Variants in C10orf90 observed in about 807,000 individuals in gnomAD.
C10orf90 encodes the protein (E2-independent) E3 ubiquitin-conjugating enzyme FATS.
A neutral mutation model predicts 62.5 loss-of-function variants in C10orf90; 56 were observed. The observed-to-expected ratio is 0.90, with a 90% CI of 0.72 to 1.12. The LOEUF (loss-of-function observed/expected upper bound fraction) is 1.12, where lower values mean the gene tolerates loss of function less well. C10orf90 is among the 50% of genes most tolerant of loss of function. The pLI is 0.00. For missense variants in C10orf90, 970 were observed against 880.4 expected (o/e 1.10, Z -1.29); for synonymous variants, 386 against 340.4 (o/e 1.13, Z -1.47).
chr10:126,503,354 T>TTGC (rs1276749877), intron 4 of C10orf90, among the ~76,000 whole-genome samples: 1 of 152,132 alleles, frequency 6.6e-6, no homozygotes, highest in South Asian at 2.1e-4. Context: ...GGACAGAAAA[T>TTGC]TGCTGCTGCT....
intron 2 of C10orf90, among the ~76,000 whole-genome samples, chr10:126,629,839 A>C (rs747622913): frequency 7.5e-5 from 11 of 147,396 alleles, no homozygotes; most frequent in Non-Finnish European, 1.7e-4. Flanking sequence ...CAGGCCAGGC[A>C]GAGCAGGATT....
chr10:126,543,115 G>A (rs779963322), intron 2 of C10orf90, among the ~76,000 whole-genome samples: 1 of 152,098 alleles, frequency 6.6e-6, no homozygotes, highest in Non-Finnish European at 1.5e-5. Context: ...TGTGAACTCC[G>A]TACAGCAATA....
chr10:126,627,849 T>C (rs1845776470), intron 2 of C10orf90, among the ~76,000 whole-genome samples: 1 of 152,156 alleles, frequency 6.6e-6, no homozygotes, highest in Non-Finnish European at 1.5e-5. Context: ...CGACCTCATG[T>C]GTAGCTGGGA....
At chr10:126,428,685 G>A (rs769939191) in intron 8 of C10orf90, among the ~76,000 whole-genome samples, 3 of 152,242 alleles carry the variant, frequency 2.0e-5, no homozygotes, top group South Asian at 4.2e-4. Context: ...GCAAGGCTCC[G>A]TAATGGTGGC....
At chr10:126,645,221 C>T (rs1254237753) in intron 2 of C10orf90, among the ~76,000 whole-genome samples, 1 of 148,322 alleles carries the variant, frequency 6.7e-6, no homozygotes, top group Non-Finnish European at 1.5e-5. Flanking sequence ...TGTAACTAAC[C>T]TGCACATTGT....
Position 126,461,492 on chromosome 10 carries a change from G to A in C10orf90, c.1919C>T (p.Ser640Leu), listed in dbSNP as rs367773851. The change falls in exon 6 of 10, where the codon TCG becomes TTG. Residue 640 changes from serine (S) to leucine (L), a missense_variant. Transcript: ENST00000488181. ...TTPEPSPAAP[S>L]PAPRDGAGSP... ...CCCTGCTCCATCGCGGGGTGCTGGC[G>A]AGGGTGCTGCTGGGGAGGGCTCAGG... is the stretch of plus-strand genomic sequence containing the variant. The A allele has an allele frequency of 2.9e-5, 47 of 1,613,948 alleles. No individual in the cohort carries two copies. The African/African-American group carries it at 3.1e-4, about 11-fold the overall frequency.
chr10:126,481,618 C>A (rs1174515342), intron 4 of C10orf90, among the ~76,000 whole-genome samples: 1 of 152,330 alleles, frequency 6.6e-6, no homozygotes, highest in Non-Finnish European at 1.5e-5. Flanking sequence ...GGAAGCCTGG[C>A]TCCCACTAGC....
rs557034323 is a variant in C10orf90 at position 126,456,433 on chromosome 10, C to T, written c.2188+2607G>A. ...CTTGGAATGTGGGGAGTAAAAGGTA[C>T]TCAGTTAACATTCTGAACTGAGCCT... On this transcript the variant is annotated intron_variant, in intron 7 of 9. Coordinates refer to ENST00000488181, the MANE Select transcript of C10orf90 (RefSeq NM_001350921.2). This position sits in a 1 kb window ranked among gnomAD's most constrained non-coding sequence, Gnocchi z 4.9. Among the ~76,000 whole-genome samples the T allele has an allele frequency of 2.0e-5, 3 of 152,302 alleles. No homozygotes were observed. Among genetic ancestry groups the T allele is most frequent in the East Asian group, 3.9e-4 (2 of 5,178 alleles).
intron 2 of C10orf90, among the ~76,000 whole-genome samples, chr10:126,585,469 G>GA (rs1844850249): frequency 6.7e-6 from 1 of 149,642 alleles, no homozygotes; most frequent in Non-Finnish European, 1.5e-5. Context: ...GGAAGGAAAG[G>GA]AAGAGAGGGG....
chr10:126,542,221 G>C lies in C10orf90; in HGVS notation c.314-28282C>G, dbSNP rs1379910442. Reference sequence around the variant, plus strand: ...TAGTGAGTATGAGGTTTGGGAACTAGGCCAGGTGCAGTGGCTCACATCTGT... The same window carrying C: ...TAGTGAGTATGAGGTTTGGGAACTACGCCAGGTGCAGTGGCTCACATCTGT... On this transcript the variant is annotated intron_variant, in intron 2 of 9. Transcript: ENST00000488181. Among the ~76,000 whole-genome samples, 32 of 152,176 alleles carry C rather than the reference G, an allele frequency of 2.1e-4. 1 individual carries two copies. Among genetic ancestry groups the C allele is most frequent in the Non-Finnish European group, 1.5e-5 (1 of 68,032 alleles).
chr10:126,589,629 T>C (rs772990585), intron 2 of C10orf90, among the ~76,000 whole-genome samples: 1 of 152,094 alleles, frequency 6.6e-6, no homozygotes, highest in Non-Finnish European at 1.5e-5. Flanking sequence ...AAAGGAGAAA[T>C]AAGATACTTT....
chr10:126,449,575 GGAAA>G (rs1859035022), intron 7 of C10orf90, among the ~76,000 whole-genome samples: 1 of 151,996 alleles, frequency 6.6e-6, no homozygotes, highest in African/African-American at 2.4e-5. Context: ...CATTCACGTT[GGAAA>G]GAAAGAGTGA....
chr10:126,613,168 A>G (rs768341968), intron 2 of C10orf90, among the ~76,000 whole-genome samples: 36 of 152,326 alleles, frequency 2.4e-4, no homozygotes, highest in Non-Finnish European at 4.7e-4. Flanking sequence ...GTATTTTGCC[A>G]CAAGTTAAAT....
intron 1 of C10orf90, among the ~76,000 whole-genome samples, chr10:126,654,456 T>A (rs529351913): frequency 6.6e-6 from 1 of 152,340 alleles, no homozygotes; most frequent in South Asian, 2.1e-4. Context: ...TTTTTCTGTA[T>A]CTTCCTCACC....
chr10:126,539,289 A>G (rs1864319731), intron 2 of C10orf90, among the ~76,000 whole-genome samples: 1 of 152,258 alleles, frequency 6.6e-6, no homozygotes, highest in Non-Finnish European at 1.5e-5. Context: ...CACAGCAGAG[A>G]GAGGCTAAAA....
At chr10:126,601,955 C>T (rs918304506) in intron 2 of C10orf90, among the ~76,000 whole-genome samples, 1 of 152,254 alleles carries the variant, frequency 6.6e-6, no homozygotes, top group Non-Finnish European at 1.5e-5. Context: ...AATGCTGCGA[C>T]TGTCCTAAAG....
At chr10:126,636,486 A>C (rs1360599139) in intron 2 of C10orf90, among the ~76,000 whole-genome samples, 1 of 152,206 alleles carries the variant, frequency 6.6e-6, no homozygotes, top group African/African-American at 2.4e-5. Flanking sequence ...CAAGATATAA[A>C]ATAAGCCGTG....
intron 1 of C10orf90, among the ~76,000 whole-genome samples, chr10:126,668,778 T>C (rs1253937409): frequency 2.6e-5 from 4 of 152,132 alleles, no homozygotes; most frequent in African/African-American, 9.7e-5. Flanking sequence ...ATTTTAACAT[T>C]AGTGGCTCGG....
At chr10:126,512,139 C>T (rs762436166) in intron 3 of C10orf90, 1 of 151,864 alleles carries the variant, frequency 6.6e-6, no homozygotes, top group Admixed American at 6.6e-5. Context: ...GAGGGAAATT[C>T]GAGTCACCTA....
Sources: allele counts gnomAD v4.1 joint callset (sites outside exome capture counted in the v4.1 genomes callset), GRCh38; gene constraint gnomAD v4.1.1; non-coding constraint Gnocchi (gnomAD v3.1); transcripts MANE v1.5; gene names NCBI Gene and HGNC (gene_info 2026-07-23, HGNC 2026-07-21).